The following DNAH14 variants were observed in gnomAD, a reference collection of about 807,000 sequenced individuals.
DNAH14 encodes dynein axonemal heavy chain 14, also known as axonemal beta dynein heavy chain 14.
In DNAH14, 478 loss-of-function variants were observed where a neutral mutation model predicts 520.9. The ratio of observed to expected loss-of-function variants is 0.92; its 90% CI spans 0.85 to 0.99. The LOEUF is 0.99. Among genes scored for constraint, DNAH14 ranks in the 50% least tolerant of loss-of-function variants. The pLI, the probability that DNAH14 is intolerant of heterozygous loss-of-function variation, is 0.00. For synonymous variants in DNAH14, 1,581 were observed against 1,757.2 expected, an observed-to-expected ratio of 0.90 and a Z score of 2.51; for missense variants, 4,831 against 5,234.5, an observed-to-expected ratio of 0.92 and a Z score of 2.38.
chr1:224,971,315 T>C (rs1383378477), intron 7 of DNAH14, among the ~76,000 whole-genome samples: 2 of 152,204 alleles, frequency 1.3e-5, no homozygotes, highest in Admixed American at 1.3e-4. Flanking sequence ...TATTTTAAAT[T>C]GTTTATTTAA....
chr1:225,100,734 A>G lies in DNAH14; in HGVS notation c.3717A>G (p.Glu1239=). 6.6e-7 allele frequency: 1 copy of G among 1,514,006 alleles called. No homozygotes were observed. Among genetic ancestry groups the G allele is most frequent in the Non-Finnish European group, 8.8e-7 (1 of 1,135,698 alleles). 93.8% of individuals were successfully genotyped at this position (1,514,006 alleles called of 1,614,324 possible). The change falls in exon 23 of 86, where the codon GAA becomes GAG. Residue 1239 remains glutamate (E), a synonymous_variant. Transcript: ENST00000682510. ...EIRRQLPAET[E]LFSQVISMWK... ...AAAGGCAACTCCCAGCAGAAACAGA[A>G]CTTTTCTCTCAAGTGATTTCCATGT...
chr1:225,217,045 T>C (rs1264172783), intron 41 of DNAH14, among the ~76,000 whole-genome samples: 1 of 152,194 alleles, frequency 6.6e-6, no homozygotes. Flanking sequence ...TTATCTACCT[T>C]TGGTCTTTGA....
intron 60 of DNAH14, among the ~76,000 whole-genome samples, chr1:225,314,288 TG>T (rs1426489803): frequency 6.6e-6 from 1 of 152,224 alleles, no homozygotes; most frequent in African/African-American, 2.4e-5. Context: ...TCCATTTGCT[TG>T]GTAAATCTTC....
At chr1:225,096,271 C>T (rs1363118491) in intron 21 of DNAH14, among the ~76,000 whole-genome samples, 4 of 152,024 alleles carry the variant, frequency 2.6e-5, no homozygotes, top group African/African-American at 7.3e-5. Context: ...TGTGAGCCAC[C>T]GTGCCTGGCC....
intron 54 of DNAH14, among the ~76,000 whole-genome samples, chr1:225,288,060 A>G (rs1019435085): frequency 2.0e-5 from 3 of 152,158 alleles, no homozygotes; most frequent in African/African-American, 7.2e-5. Flanking sequence ...TCTACCCTCA[A>G]GAAGCTGGGC....
chr1:225,353,766 C>A, intron 72 of DNAH14, 37 bp from the exon 73 acceptor site: 1 of 1,038,752 alleles, frequency 9.6e-7, no homozygotes, highest in Non-Finnish European at 1.4e-6. Flanking sequence ...AAGTATTTGA[C>A]TGTTAATGCC....
At chr1:225,069,856 T>C (rs946549587) in intron 17 of DNAH14, among the ~76,000 whole-genome samples, 11 of 151,980 alleles carry the variant, frequency 7.2e-5, no homozygotes, top group African/African-American at 2.7e-4. Context: ...TTTTGGATGA[T>C]AGACTTAATT....
chr1:225,389,226 A>C (rs898154352), intron 82 of DNAH14, among the ~76,000 whole-genome samples: 29 of 152,232 alleles, frequency 1.9e-4, no homozygotes, highest in Non-Finnish European at 1.0e-4. Context: ...AGTAGGTGCT[A>C]TCATTATCAT....
rs371230862 is a variant in DNAH14 at position 225,243,415 on chromosome 1, C to T, written c.6748+2593C>T. Among the ~76,000 whole-genome samples, 116 of 152,068 alleles carry T rather than the reference C, an allele frequency of 7.6e-4. No individual in the cohort carries two copies. In the South Asian group the frequency reaches 9.3e-3, roughly 12 times the overall value. ...GGAGAGCCAAAAAAAATTATAATTA[C>T]ATTGCAAGAAAAAATTGTAAAACAC... On this transcript the variant is annotated intron_variant, in intron 43 of 85. Transcript: ENST00000682510.
At chr1:224,944,487 T>A (rs143214319) in intron 1 of DNAH14, among the ~76,000 whole-genome samples, 1 of 151,590 alleles carries the variant, frequency 6.6e-6, no homozygotes, top group East Asian at 1.9e-4. Flanking sequence ...TTTAGCCCAT[T>A]TACATTTCAG....
intron 38 of DNAH14, among the ~76,000 whole-genome samples, chr1:225,201,410 G>C (rs1348404789): frequency 6.6e-6 from 1 of 152,082 alleles, no homozygotes; most frequent in Admixed American, 6.5e-5. Flanking sequence ...TGGTGAGCTA[G>C]TGTGGTTTTT....
At chr1:225,383,333 T>G (rs2095802401) in intron 81 of DNAH14, among the ~76,000 whole-genome samples, 1 of 152,220 alleles carries the variant, frequency 6.6e-6, no homozygotes. Flanking sequence ...CACATCCGAA[T>G]CACAGGACTT....
intron 22 of DNAH14, among the ~76,000 whole-genome samples, chr1:225,100,050 A>G (rs1245670355): frequency 6.6e-6 from 1 of 152,176 alleles, no homozygotes; most frequent in Non-Finnish European, 1.5e-5. Context: ...TTCAATTCCA[A>G]CAACAACAGA....
chr1:225,033,540 C>T (rs1358946935), intron 11 of DNAH14, among the ~76,000 whole-genome samples: 1 of 151,918 alleles, frequency 6.6e-6, no homozygotes, highest in Non-Finnish European at 1.5e-5. Flanking sequence ...CTTTTTGCTT[C>T]AGATTGCCTT....
At position 225,085,725 on chromosome 1, in the gene DNAH14, A is replaced by G; in HGVS notation, c.3509A>G (p.Gln1170Arg). ...IIPSIDDISA[Q>R]LEESQVILAT... ...CCATCTATAGATGACATATCAGCTC[A>G]GTTAGAAGAGTCTCAAGTCATACTT... Residue 1170 changes from glutamine to arginine, a missense_variant, in exon 21 of 86, where the codon CAG (glutamine) becomes CGG (arginine). Coordinates refer to ENST00000682510, the MANE Select transcript of DNAH14 (RefSeq NM_001367479.1). 1 of 1,551,508 alleles carries G rather than the reference A, an allele frequency of 6.4e-7. No homozygotes were observed. The highest frequency in any genetic ancestry group is 8.7e-7 in the Non-Finnish European group (1 of 1,146,776).
intron 43 of DNAH14, among the ~76,000 whole-genome samples, chr1:225,243,970 T>C (rs1413232667): frequency 6.6e-6 from 1 of 152,144 alleles, no homozygotes; most frequent in Non-Finnish European, 1.5e-5. Context: ...CAGTATGATA[T>C]TGGCTATGGG....
intron 8 of DNAH14, among the ~76,000 whole-genome samples, chr1:225,001,090 T>TAGCTAG (rs1265532698): frequency 1.2e-4 from 18 of 150,874 alleles, no homozygotes. Flanking sequence ...CCTGGTCCTT[T>TAGCTAG]AGCTAGGCAA....
chr1:225,025,894 T>C (rs116724487), intron 11 of DNAH14, among the ~76,000 whole-genome samples: 2 of 152,296 alleles, frequency 1.3e-5, no homozygotes, highest in African/African-American at 4.8e-5. Flanking sequence ...ATTTCCATAA[T>C]GACTAATGAT....
chr1:225,195,246 A>T (rs779804928), intron 38 of DNAH14, among the ~76,000 whole-genome samples: 1 of 152,302 alleles, frequency 6.6e-6, no homozygotes, highest in South Asian at 2.1e-4. Flanking sequence ...TAGCAAAGAC[A>T]TGGAATTAAC....
Sources: gnomAD v4.1 joint callset for allele counts (sites outside exome capture counted in the v4.1 genomes callset) on GRCh38, gnomAD v4.1.1 for gene constraint, MANE v1.5 for transcripts, NCBI Gene and HGNC (gene_info 2026-07-23, HGNC 2026-07-21) for gene names.